The following TBC1D19 variants were observed in gnomAD, a reference collection of about 807,000 sequenced individuals.
The protein encoded by TBC1D19 is TBC1 domain family, member 19.
TBC1D19 carries 60 observed loss-of-function variants against 89.0 expected under a neutral mutation model. The observed-to-expected ratio is 0.67, with a 90% confidence interval of 0.55 to 0.84. The LOEUF is 0.84. TBC1D19 is among the 40% of genes least tolerant of loss of function. TBC1D19 has a pLI of 0.00. For missense variants in TBC1D19, 500 were observed against 610.8 expected (o/e 0.82, Z 1.91); for synonymous variants, 189 against 199.7 (o/e 0.95, Z 0.45).
chr4:26,617,102 G>C (rs1741743970), intron 3 of TBC1D19, among the ~76,000 whole-genome samples: 1 of 152,166 alleles, frequency 6.6e-6, no homozygotes, highest in African/African-American at 2.4e-5. Context: ...AAATTTATTG[G>C]CTCACAGTTC....
intron 19 of TBC1D19, among the ~76,000 whole-genome samples, chr4:26,748,851 A>G (rs1718791484): frequency 6.6e-6 from 1 of 152,082 alleles, no homozygotes; most frequent in South Asian, 2.1e-4. Context: ...CAGAGTGTAG[A>G]TATACTTCCC....
At chr4:26,734,860 CTGT>C (rs1430378924) in intron 15 of TBC1D19, among the ~76,000 whole-genome samples, 8 of 150,220 alleles carry the variant, frequency 5.3e-5, no homozygotes, top group African/African-American at 9.7e-5. Flanking sequence ...TGTTTTTGTC[CTGT>C]TGTTTTGTGT....
intron 11 of TBC1D19, among the ~76,000 whole-genome samples, chr4:26,676,554 C>G (rs529529305): frequency 6.6e-6 from 1 of 151,852 alleles, no homozygotes; most frequent in South Asian, 2.1e-4. Flanking sequence ...CCTGACTCTA[C>G]TAAAAATACA....
chr4:26,788,405 A>C, the TBC1D19 span, among the ~76,000 whole-genome samples: 1 of 152,160 alleles, frequency 6.6e-6, no homozygotes, highest in Non-Finnish European at 1.5e-5. Flanking sequence ...GTAAACTGCA[A>C]AATTAGGTGG....
intron 1 of TBC1D19, among the ~76,000 whole-genome samples, chr4:26,587,795 T>A (rs1193987042): frequency 6.6e-6 from 1 of 151,768 alleles, no homozygotes; most frequent in Non-Finnish European, 1.5e-5. Context: ...TATGGACACA[T>A]TTTTAATTAA....
At chr4:26,576,989 C>T (rs956141568) in intron 1 of TBC1D19, among the ~76,000 whole-genome samples, 3 of 152,302 alleles carry the variant, frequency 2.0e-5, no homozygotes, top group African/African-American at 7.2e-5. Context: ...AGTCAGTTGA[C>T]TTCAAGTAAA....
rs199915139 is a variant in TBC1D19, at chr4:26,658,897, G to T, written c.481-700G>T. Among the ~76,000 whole-genome samples, 4 of 152,212 alleles carry T rather than the reference G, an allele frequency of 2.6e-5. No homozygotes were observed. In the East Asian group the frequency reaches 7.7e-4, roughly 29 times the overall value. On this transcript the variant is annotated intron_variant, in intron 7 of 20. Coordinates refer to ENST00000264866, the MANE Select transcript of TBC1D19 (RefSeq NM_018317.4). ...TTGGCTCTCTGTTTGTCTGTTATTGGTGTATAGGAATGCTTGTGATTTTTG... is the reference window on the plus strand; with the variant it reads ...TTGGCTCTCTGTTTGTCTGTTATTGTTGTATAGGAATGCTTGTGATTTTTG...
At chr4:26,687,342 TCA>T (rs1393087308) in intron 12 of TBC1D19, among the ~76,000 whole-genome samples, 2 of 152,186 alleles carry the variant, frequency 1.3e-5, no homozygotes, top group African/African-American at 4.8e-5. Context: ...AGATCTAGCC[TCA>T]GAGTTACTGA....
chr4:26,684,016 A>G (rs976945131), intron 12 of TBC1D19, among the ~76,000 whole-genome samples: 25 of 152,206 alleles, frequency 1.6e-4, no homozygotes, highest in African/African-American at 6.0e-4. Context: ...TTATATCTCT[A>G]AATTCAAGCT....
chr4:26,621,933 G>A (rs1467362945), intron 4 of TBC1D19, among the ~76,000 whole-genome samples: 7 of 152,024 alleles, frequency 4.6e-5, no homozygotes. Flanking sequence ...ATGAGTTCAT[G>A]TCCTTTGTAG....
chr4:26,698,070 T>C (rs1031037556), intron 13 of TBC1D19, among the ~76,000 whole-genome samples: 7 of 152,162 alleles, frequency 4.6e-5, no homozygotes, highest in African/African-American at 1.7e-4. Flanking sequence ...GGAAGTCAAA[T>C]TGCCCCTGTT....
At chr4:26,722,125 C>T (rs897000075) in intron 15 of TBC1D19, among the ~76,000 whole-genome samples, 18 of 152,108 alleles carry the variant, frequency 1.2e-4, no homozygotes, top group Non-Finnish European at 2.9e-5. Context: ...TTTGTTGCCT[C>T]AGTATCTAGC....
intron 3 of TBC1D19, among the ~76,000 whole-genome samples, chr4:26,617,238 C>T (rs1254855998): frequency 1.3e-5 from 2 of 152,204 alleles, no homozygotes; most frequent in Admixed American, 1.3e-4. Flanking sequence ...TGGCACCAAT[C>T]CCACCCACGT....
chr4:26,817,977 A>AT, the TBC1D19 span, among the ~76,000 whole-genome samples: 26 of 105,504 alleles, frequency 2.5e-4, no homozygotes, highest in East Asian at 1.2e-3. Flanking sequence ...TTAAAAAAAA[A>AT]AAAAATATAT....
chr4:26,831,067 G>A, the TBC1D19 span, among the ~76,000 whole-genome samples: 2 of 152,096 alleles, frequency 1.3e-5, no homozygotes, highest in African/African-American at 4.8e-5. Context: ...GGACATACAC[G>A]CAGACACAAA....
At chr4:26,774,962 C>T in the TBC1D19 span, among the ~76,000 whole-genome samples, 1 of 152,140 alleles carries the variant, frequency 6.6e-6, no homozygotes, top group Admixed American at 6.5e-5. Context: ...CTTTCTATTC[C>T]AAGTTTGCTG....
At chr4:26,692,915 A>T (rs185131189) in intron 13 of TBC1D19, among the ~76,000 whole-genome samples, 18 of 152,318 alleles carry the variant, frequency 1.2e-4, no homozygotes, top group Non-Finnish European at 2.2e-4. Context: ...TCTGGCTGTG[A>T]TATCGAGAAA....
In TBC1D19 at chr4:26,600,341, T is replaced by C. The variant is rs117110395; in HGVS notation, c.100-12828T>C. ...TTTAATCCTGAAAAGTTAAACACAG[T>C]AAAGAAATGAATAATGGTGTACAGG... On this transcript the variant is annotated intron_variant, in intron 1 of 20. Transcript: ENST00000264866. 9.9e-5 allele frequency among the ~76,000 whole-genome samples: 15 copies of C among 152,278 alleles called. No homozygotes were observed. The East Asian group carries it at 2.9e-3, about 29-fold the overall frequency.
chr4:26,850,865 G>A, the TBC1D19 span, among the ~76,000 whole-genome samples: 17 of 152,170 alleles, frequency 1.1e-4, no homozygotes, highest in Non-Finnish European at 2.1e-4. Context: ...GCAAGGCATT[G>A]TTTCTGGGCT....
Sources: gnomAD v4.1 joint callset for allele counts (sites outside exome capture counted in the v4.1 genomes callset) on GRCh38, gnomAD v4.1.1 for gene constraint, MANE v1.5 for transcripts, NCBI Gene and HGNC (gene_info 2026-07-23, HGNC 2026-07-21) for gene names.